CROCC2: variants seen among roughly 807,000 people sequenced by gnomAD.
The protein encoded by CROCC2 is ciliary rootlet coiled-coil, rootletin family member 2.
A neutral mutation model predicts 177.6 loss-of-function variants in CROCC2; 163 were observed. The observed-to-expected ratio is 0.92, with a 90% CI of 0.81 to 1.05. CROCC2 has a LOEUF of 1.05. Ranked by LOEUF, CROCC2 falls within the 50% of genes least tolerant of loss-of-function variation. CROCC2 has a pLI of 0.00. For missense variants in CROCC2, 1,929 were observed against 1,797.8 expected (o/e 1.07, Z -1.32); for synonymous variants, 904 against 787.3 (o/e 1.15, Z -2.48).
rs950518872 is a variant in CROCC2, at chr2:240,966,281, C to T, written c.4018C>T (p.Pro1340Ser). Residue 1340 changes from proline to serine, a missense_variant, in exon 25 of 32, where the codon CCC (proline) becomes TCC (serine). Coordinates refer to ENST00000690015, the MANE Select transcript of CROCC2 (RefSeq NM_001351305.2). ...ACAGGGTACCAGCCCCCCAGCCAGG[C>T]CCCACTCGCCCCTCCGATGGCCCTC... ...GQQGTSPPAR[P>S]HSPLRWPSPT... The T allele has an allele frequency of 8.3e-6, 4 of 484,782 alleles. No individual in the cohort carries two copies. Among genetic ancestry groups the T allele is most frequent in the Non-Finnish European group, 1.3e-5 (4 of 302,308 alleles). 30.0% of individuals were successfully genotyped at this position (484,782 alleles called of 1,614,324 possible).
chr2:240,932,211 C>A, intron 7 of CROCC2, 107 bp from the exon 8 acceptor site: 2 of 626,138 alleles, frequency 3.2e-6, no homozygotes, highest in Non-Finnish European at 5.9e-6. Context: ...CACCCAGCAC[C>A]GGCAGGGGGG....
intron 31 of CROCC2, among the ~76,000 whole-genome samples, chr2:240,992,221 T>C (rs1351313260): frequency 6.6e-6 from 1 of 152,164 alleles, no homozygotes; most frequent in Non-Finnish European, 1.5e-5. Context: ...CCGCATGCTT[T>C]ATAGGTGGTC....
chr2:240,963,570 G>T lies in CROCC2; in HGVS notation c.3102G>T (p.Arg1034=). The change falls in exon 21 of 32, where the codon CGG becomes CGT. Residue 1034 remains arginine, a synonymous_variant. Coordinates refer to ENST00000690015, the MANE Select transcript of CROCC2 (RefSeq NM_001351305.2). ...GDVEREAERL[R]AQLTVAQEGL... ...GTCCTCCCCAGGCTGAGAGGCTGCGGGCACAGCTGACCGTGGCCCAGGAGG... is the reference window on the plus strand; with the variant it reads ...GTCCTCCCCAGGCTGAGAGGCTGCGTGCACAGCTGACCGTGGCCCAGGAGG... 1.3e-6 allele frequency: 2 copies of T among 1,544,438 alleles called. No homozygotes were observed. Among genetic ancestry groups the T allele is most frequent in the Non-Finnish European group, 1.7e-6 (2 of 1,144,012 alleles).
chr2:240,989,800 C>A lies in CROCC2; in HGVS notation c.4830C>A (p.Thr1610=). The change falls in exon 30 of 32, where the codon ACC becomes ACA. Residue 1610 remains threonine, a synonymous_variant. Transcript: ENST00000690015. Reference sequence around the variant, plus strand: ...AGGCCCTGGAGTCCCAAGAATGGACCCACCAGCAGCAGGTAAAGGTGCTGG... The same window carrying A: ...AGGCCCTGGAGTCCCAAGAATGGACACACCAGCAGCAGGTAAAGGTGCTGG... The part of the protein sequence containing the change: ...ATQALESQEW[T]HQQQVKVLEE... The A allele has an allele frequency of 6.5e-7, 1 of 1,548,652 alleles. No homozygotes were observed. The highest frequency in any genetic ancestry group is 8.7e-7 in the Non-Finnish European group (1 of 1,145,610).
At chr2:240,907,326 C>T (rs543739734) in intron 1 of CROCC2, among the ~76,000 whole-genome samples, 1 of 152,232 alleles carries the variant, frequency 6.6e-6, no homozygotes, top group African/African-American at 2.4e-5. Flanking sequence ...CCAGAGCCCA[C>T]CTAGGACCCA....
At position 240,906,739 on chromosome 2, in the gene CROCC2, G is replaced by A. The variant is rs1358182322; in HGVS notation, c.78+148G>A. On this transcript the variant is annotated intron_variant, in intron 1 of 31. Transcript: ENST00000690015. ...ACTTGCTCACGTGTTTGCCTTGAGC[G>A]TGCAGCCAGTCACGGATGCAAGCAG... 16 of 397,040 alleles carry A rather than the reference G, an allele frequency of 4.0e-5. No homozygotes were observed. The Middle Eastern group carries it at 3.2e-3, about 79-fold the overall frequency. 24.6% of individuals were successfully genotyped at this position (397,040 alleles called of 1,614,324 possible). A position where few individuals can be genotyped will look rare whatever the true frequency, so the allele number is the denominator to read the frequency against.
At chr2:240,988,419 C>T (rs1056009126) in intron 28 of CROCC2, among the ~76,000 whole-genome samples, 14 of 152,260 alleles carry the variant, frequency 9.2e-5, no homozygotes, top group Admixed American at 3.3e-4. Flanking sequence ...AAGGGGTTTG[C>T]GGGGTAGCTC....
chr2:240,968,294 G>A, intron 27 of CROCC2, 32 bp downstream of exon 27: 2 of 1,510,606 alleles, frequency 1.3e-6, no homozygotes, highest in Non-Finnish European at 1.8e-6. Context: ...GTCCCAGGTG[G>A]GGCACAAGAA....
intron 12 of CROCC2, 90 bp downstream of exon 12, chr2:240,934,565 C>T: frequency 1.5e-6 from 2 of 1,328,026 alleles, no homozygotes; most frequent in Non-Finnish European, 2.1e-6. Flanking sequence ...TCCCTCTCTC[C>T]TGCCTGCCGG....
At chr2:240,938,157 T>C (rs978893386) in intron 14 of CROCC2, among the ~76,000 whole-genome samples, 3 of 152,230 alleles carry the variant, frequency 2.0e-5, no homozygotes, top group African/African-American at 7.2e-5. Flanking sequence ...ACACAAGACT[T>C]ACTGAATCAG....
intron 14 of CROCC2, 27 bp downstream of exon 14, chr2:240,935,615 C>T (rs1017832671): frequency 2.3e-5 from 32 of 1,371,178 alleles, no homozygotes; most frequent in African/African-American, 2.3e-4. Context: ...GGCATGCTGC[C>T]GCCGTCTGGG....
In CROCC2 at chr2:240,949,262, C is replaced by T; in HGVS notation, c.2482+165C>T. The T allele has an allele frequency of 2.2e-6, 2 of 915,284 alleles. No individual in the cohort carries two copies. The highest frequency in any genetic ancestry group is 1.0e-4 in the South Asian group (2 of 19,892). The allele number at this position is 915,284 out of a possible 1,614,324, so 56.7% of individuals were successfully genotyped here. A position where few individuals can be genotyped will look rare whatever the true frequency, so the allele number is the denominator to read the frequency against. Reference sequence around the variant, plus strand: ...GACTGAGCGACTTGGGCCACCCTCGCCCATGAGGAGCAGCAACACCCTGCC... The same window carrying T: ...GACTGAGCGACTTGGGCCACCCTCGTCCATGAGGAGCAGCAACACCCTGCC... On this transcript the variant is annotated intron_variant, in intron 16 of 31. Transcript: ENST00000690015. This position sits in a 1 kb window ranked among gnomAD's most constrained non-coding sequence, Gnocchi z 4.5.
At position 240,958,567 on chromosome 2, in the gene CROCC2, C is replaced by G. The variant is rs2059608566; in HGVS notation, c.2944-734C>G. Reference sequence around the variant, plus strand: ...AAGCCAGCTCTGGAGGGAGCCATCCCCCACCAGCCGCCCCCCGCCAGCCGC... The same window carrying G: ...AAGCCAGCTCTGGAGGGAGCCATCCGCCACCAGCCGCCCCCCGCCAGCCGC... On this transcript the variant is annotated intron_variant, in intron 19 of 31. Transcript: ENST00000690015. This position sits in a 1 kb window ranked among gnomAD's most constrained non-coding sequence, Gnocchi z 6.7. 1.0e-6 allele frequency: 1 copy of G among 985,146 alleles called. No homozygotes were observed. Among genetic ancestry groups the G allele is most frequent in the Non-Finnish European group, 1.2e-6 (1 of 829,722 alleles). 61.0% of individuals were successfully genotyped at this position (985,146 alleles called of 1,614,324 possible). A position where few individuals can be genotyped will look rare whatever the true frequency, so the allele number is the denominator to read the frequency against.
At chr2:240,965,558 C>A (rs752484187) in intron 23 of CROCC2, 40 bp downstream of exon 23, 6 of 1,549,654 alleles carry the variant, frequency 3.9e-6, no homozygotes, top group Non-Finnish European at 5.2e-6. Context: ...AGGAGCTGGG[C>A]GTCGGGGAGC....
intron 14 of CROCC2, among the ~76,000 whole-genome samples, chr2:240,941,692 C>T (rs2059495439): frequency 6.6e-6 from 1 of 152,172 alleles, no homozygotes; most frequent in Non-Finnish European, 1.5e-5. Flanking sequence ...TTATGATATG[C>T]ACAGTCTATA....
At chr2:240,929,412 C>T (rs1559593641) in intron 5 of CROCC2, among the ~76,000 whole-genome samples, 1 of 152,070 alleles carries the variant, frequency 6.6e-6, no homozygotes, top group South Asian at 2.1e-4. Flanking sequence ...GAGTGCAGGG[C>T]CTAGAAGGTG....
At chr2:240,967,927 C>T (rs893948140) in intron 26 of CROCC2, among the ~76,000 whole-genome samples, 7 of 152,064 alleles carry the variant, frequency 4.6e-5, no homozygotes, top group Admixed American at 1.3e-4. Flanking sequence ...TGCTTATTGC[C>T]CCTCAATTAA....
At chr2:240,967,708 G>A (rs1221703608) in intron 26 of CROCC2, 5 of 466,240 alleles carry the variant, frequency 1.1e-5, no homozygotes, top group South Asian at 9.1e-5. Context: ...GGGCCCTCCC[G>A]ATCCGGCCCC....
intron 19 of CROCC2, chr2:240,957,581 G>A (rs2059600318): frequency 1.3e-5 from 2 of 152,248 alleles, no homozygotes; most frequent in Admixed American, 1.3e-4. Context: ...GAGGGCTTGT[G>A]CCCCATCCCC....
Sources: allele counts gnomAD v4.1 joint callset (sites outside exome capture counted in the v4.1 genomes callset), GRCh38; gene constraint gnomAD v4.1.1; non-coding constraint Gnocchi (gnomAD v3.1); transcripts MANE v1.5; gene names NCBI Gene and HGNC (gene_info 2026-07-23, HGNC 2026-07-21).